The following CTNNA3 variants were observed in gnomAD, a reference collection of about 807,000 sequenced individuals.
CTNNA3 encodes catenin alpha-3.
CTNNA3 carries 76 observed loss-of-function variants against 95.7 expected under a neutral mutation model. That is an observed-to-expected ratio of 0.79 (90% confidence interval 0.66 to 0.96). The LOEUF is 0.96. Ranked by LOEUF, CTNNA3 falls within the 40% of genes least tolerant of loss-of-function variation. CTNNA3 has a pLI of 0.00. For synonymous variants in CTNNA3, 431 were observed against 374.4 expected, an observed-to-expected ratio of 1.15 and a Z score of -1.74; for missense variants, 1,191 against 1,089.8, an observed-to-expected ratio of 1.09 and a Z score of -1.31.
At chr10:66,944,423 G>A (rs1035991529) in intron 7 of CTNNA3, among the ~76,000 whole-genome samples, 1 of 152,070 alleles carries the variant, frequency 6.6e-6, no homozygotes, top group African/African-American at 2.4e-5. Context: ...CACATCTTCA[G>A]TTACTTCCTC....
chr10:66,856,042 C>T (rs1042926780), intron 7 of CTNNA3, among the ~76,000 whole-genome samples: 4 of 151,898 alleles, frequency 2.6e-5, no homozygotes, highest in Non-Finnish European at 4.4e-5. Context: ...AGATAATAAG[C>T]ATAGTACCAG....
At chr10:67,312,135 C>T (rs1179684734) in intron 5 of CTNNA3, among the ~76,000 whole-genome samples, 1 of 150,582 alleles carries the variant, frequency 6.6e-6, no homozygotes, top group Admixed American at 6.6e-5. Context: ...TGCAGTGGCA[C>T]AATCTCGGCT....
intron 11 of CTNNA3, among the ~76,000 whole-genome samples, chr10:66,421,834 CAAAAAAAA>C (rs35845509): frequency 1.2e-5 from 1 of 81,524 alleles, no homozygotes; most frequent in Non-Finnish European, 2.6e-5. Flanking sequence ...GACTCTGTCT[CAAAAAAAA>C]AAAAAAAAAA....
At chr10:66,398,780 C>T (rs1342379227) in intron 11 of CTNNA3, among the ~76,000 whole-genome samples, 1 of 151,916 alleles carries the variant, frequency 6.6e-6, no homozygotes, top group Non-Finnish European at 1.5e-5. Flanking sequence ...GCAAAGAGTG[C>T]AGTTAGCCTA....
chr10:66,835,612 A>T (rs1016316068), intron 7 of CTNNA3, among the ~76,000 whole-genome samples: 6 of 152,170 alleles, frequency 3.9e-5, no homozygotes, highest in African/African-American at 7.2e-5. Context: ...TACTTTTGAC[A>T]CACCCCCACC....
chr10:67,353,723 T>G (rs9414955), intron 5 of CTNNA3, among the ~76,000 whole-genome samples: 108,853 of 151,878 alleles, frequency 0.72, 43,093 homozygotes, highest in Non-Finnish European at 0.88. Flanking sequence ...AAAAATAGTT[T>G]CAGCATCAAG....
Position 67,380,910 on chromosome 10 carries a change from G to C in CTNNA3, c.579+140932C>G, listed in dbSNP as rs185287875. Reference sequence around the variant, plus strand: ...AGTGACTAAAATAGGTTAGCAGAGAGCACTAAGAGAAATATAATACCAAGA... The same window carrying C: ...AGTGACTAAAATAGGTTAGCAGAGACCACTAAGAGAAATATAATACCAAGA... On this transcript the variant is annotated intron_variant, in intron 5 of 17. Coordinates refer to ENST00000433211, the MANE Select transcript of CTNNA3 (RefSeq NM_013266.4). 5.0e-3 allele frequency among the ~76,000 whole-genome samples: 765 copies of C among 152,250 alleles called. 5 individuals carry two copies. Among genetic ancestry groups the C allele is most frequent in the African/African-American group, 0.017 (724 of 41,542 alleles).
chr10:67,253,388 CT>C (rs887506590), intron 5 of CTNNA3, among the ~76,000 whole-genome samples: 2 of 152,108 alleles, frequency 1.3e-5, no homozygotes, highest in African/African-American at 4.8e-5. Flanking sequence ...TCACAGTTGA[CT>C]GTGGGTAACT....
chr10:66,498,225 T>C (rs1039515011), intron 11 of CTNNA3, among the ~76,000 whole-genome samples: 2 of 152,140 alleles, frequency 1.3e-5, no homozygotes, highest in Non-Finnish European at 2.9e-5. Context: ...GTAAGGAACC[T>C]ATACAAAATA....
At chr10:67,094,140 AGGAAGAC>A (rs1292283138) in intron 7 of CTNNA3, among the ~76,000 whole-genome samples, 1 of 152,010 alleles carries the variant, frequency 6.6e-6, no homozygotes, top group Non-Finnish European at 1.5e-5. Context: ...ATTTTTCATG[AGGAAGAC>A]TTGCTCTGAC....
chr10:65,971,549 T>G (rs1364783565), intron 16 of CTNNA3, among the ~76,000 whole-genome samples: 1 of 151,676 alleles, frequency 6.6e-6, no homozygotes, highest in Non-Finnish European at 1.5e-5. Flanking sequence ...AACACATCTG[T>G]GCATACAAAC....
intron 7 of CTNNA3, among the ~76,000 whole-genome samples, chr10:66,792,622 A>C (rs1474295350): frequency 6.6e-6 from 1 of 152,180 alleles, no homozygotes; most frequent in Non-Finnish European, 1.5e-5. Flanking sequence ...GTTCTGGCAC[A>C]CAACTCTATA....
intron 5 of CTNNA3, among the ~76,000 whole-genome samples, chr10:67,448,805 T>C (rs1846855674): frequency 1.3e-5 from 2 of 149,162 alleles, no homozygotes; most frequent in Admixed American, 1.3e-4. Context: ...AAAATTACTA[T>C]TTATTATAGA....
chr10:65,995,180 G>A (rs1433743949), intron 15 of CTNNA3, among the ~76,000 whole-genome samples: 2 of 150,886 alleles, frequency 1.3e-5, no homozygotes, highest in African/African-American at 4.9e-5. Flanking sequence ...GTAATATCTT[G>A]CTGGACAATT....
At chr10:66,635,416 C>T (rs1368189181) in intron 9 of CTNNA3, among the ~76,000 whole-genome samples, 2 of 152,022 alleles carry the variant, frequency 1.3e-5, no homozygotes, top group African/African-American at 2.4e-5. Flanking sequence ...CTATAATTAG[C>T]TTTCATTATC....
chr10:67,128,614 A>T (rs1859841012), intron 7 of CTNNA3, among the ~76,000 whole-genome samples: 1 of 152,130 alleles, frequency 6.6e-6, no homozygotes. Context: ...AAGATTTTAA[A>T]ACAATCAAGT....
At chr10:66,606,495 G>A (rs2132272399) in intron 10 of CTNNA3, among the ~76,000 whole-genome samples, 1 of 152,174 alleles carries the variant, frequency 6.6e-6, no homozygotes, top group South Asian at 2.1e-4. Flanking sequence ...CACATACCCT[G>A]AAATAAATCA....
At chr10:67,702,041 A>G (rs1841044186) in intron 1 of CTNNA3, among the ~76,000 whole-genome samples, 1 of 152,112 alleles carries the variant, frequency 6.6e-6, no homozygotes, top group Non-Finnish European at 1.5e-5. Context: ...GCCATTACAT[A>G]ATGGTAAAGG....
chr10:66,056,938 T>A (rs548510990), intron 15 of CTNNA3, among the ~76,000 whole-genome samples: 1 of 152,300 alleles, frequency 6.6e-6, no homozygotes, highest in Admixed American at 6.5e-5. Flanking sequence ...AGAATGGACA[T>A]GATTTGGTCA....
Sources: allele counts gnomAD v4.1 joint callset (sites outside exome capture counted in the v4.1 genomes callset), GRCh38; gene constraint gnomAD v4.1.1; transcripts MANE v1.5; gene names NCBI Gene and HGNC (gene_info 2026-07-23, HGNC 2026-07-21).